C2CD5: variants seen among roughly 807,000 people sequenced by gnomAD.
C2CD5 encodes C2 calcium dependent domain containing 5.
In C2CD5, 109 loss-of-function variants were observed where a neutral mutation model predicts 130.3. The ratio of observed to expected loss-of-function variants is 0.84; its 90% CI spans 0.72 to 0.98. The LOEUF is 0.98. Ranked by LOEUF, C2CD5 falls within the 50% of genes least tolerant of loss-of-function variation. C2CD5 has a pLI of 0.00. For missense variants in C2CD5, 996 were observed against 1,261.8 expected (o/e 0.79, Z 3.19); for synonymous variants, 454 against 429.2 (o/e 1.06, Z -0.71).
intron 8 of C2CD5, 59 bp downstream of exon 8, chr12:22,517,927 A>C: frequency 7.1e-7 from 1 of 1,409,188 alleles, no homozygotes; most frequent in South Asian, 1.3e-5. Flanking sequence ...GAAAGCTAAT[A>C]AGAAATAGAA....
At position 22,472,576 on chromosome 12, in the gene C2CD5, A is replaced by G. The variant is rs549036415; in HGVS notation, c.2107+168T>C. ...AAATCACTTCCACCTAAGTTCTAAC[A>G]TAAGTATTTTTAAGGTATGTTTTCT... On this transcript the variant is annotated intron_variant, in intron 17 of 26. Transcript: ENST00000446597. 499 of 652,676 alleles carry G rather than the reference A, an allele frequency of 7.6e-4. 7 individuals are homozygous for G. The highest frequency in any genetic ancestry group is 7.3e-3 in the South Asian group (398 of 54,270). The allele number at this position is 652,676 out of a possible 1,614,324, so 40.4% of individuals were successfully genotyped here.
At chr12:22,460,084 CTT>C (rs1940801856) in intron 22 of C2CD5, among the ~76,000 whole-genome samples, 1 of 152,168 alleles carries the variant, frequency 6.6e-6, no homozygotes, top group Non-Finnish European at 1.5e-5. Flanking sequence ...GGTATCAAGA[CTT>C]TGTGAAACTA....
At chr12:22,468,202 G>A (rs890157339) in intron 22 of C2CD5, among the ~76,000 whole-genome samples, 1 of 151,766 alleles carries the variant, frequency 6.6e-6, no homozygotes, top group Middle Eastern at 3.2e-3. Flanking sequence ...AAAACTTGCT[G>A]TATAGTGAAT....
intron 10 of C2CD5, among the ~76,000 whole-genome samples, chr12:22,498,391 A>G (rs971609468): frequency 1.3e-5 from 2 of 151,864 alleles, no homozygotes; most frequent in African/African-American, 4.8e-5. Flanking sequence ...AACTTAAACT[A>G]AAAAAAACAA....
rs139815146 is a variant in C2CD5, at chr12:22,515,402, CTT to C, written c.953-2025_953-2024del. Among the ~76,000 whole-genome samples, 534 of 152,222 alleles carry C rather than the reference CTT, an allele frequency of 3.5e-3. 4 individuals carry two copies. The highest frequency in any genetic ancestry group is 0.016 in the Admixed American group (241 of 15,282). ...TCATTAAAATTTTTTAAATCACTAACTTAGGATTTTATGTGATTCTAATAACT... is the reference window on the plus strand; with the variant it reads ...TCATTAAAATTTTTTAAATCACTAACAGGATTTTATGTGATTCTAATAACT... On this transcript the variant is annotated intron_variant, in intron 8 of 26. Coordinates refer to ENST00000446597, the MANE Select transcript of C2CD5 (RefSeq NM_001286176.2).
chr12:22,457,233 A>C (rs548336288), intron 24 of C2CD5, 72 bp from the exon 25 acceptor site: 3 of 1,066,182 alleles, frequency 2.8e-6, no homozygotes, highest in Non-Finnish European at 4.0e-6. Flanking sequence ...GAGGTTTCCA[A>C]ATAAGTGGTG....
intron 8 of C2CD5, among the ~76,000 whole-genome samples, chr12:22,516,109 T>C (rs569393517): frequency 2.3e-4 from 35 of 151,766 alleles, no homozygotes; most frequent in Admixed American, 9.2e-4. Context: ...ACTTTTGGAT[T>C]CCCAAATAAA....
chr12:22,503,758 C>T (rs1314339823), intron 10 of C2CD5, among the ~76,000 whole-genome samples: 2 of 152,156 alleles, frequency 1.3e-5, no homozygotes, highest in Admixed American at 1.3e-4. Flanking sequence ...GCGATCTGCC[C>T]GCCTTGGCCT....
At chr12:22,463,366 T>C (rs2136079293) in intron 22 of C2CD5, 1 of 151,494 alleles carries the variant, frequency 6.6e-6, no homozygotes, top group African/African-American at 2.4e-5. Flanking sequence ...ATTCCAGCCT[T>C]GGCAACAGAG....
chr12:22,482,613 A>T lies in C2CD5; in HGVS notation c.1681T>A (p.Leu561Met), dbSNP rs1446633779. Residue 561 changes from leucine to methionine, a missense_variant, in exon 14 of 27, where the codon TTG (leucine) becomes ATG (methionine). By Grantham distance (15) the Leu-to-Met change is conservative. Coordinates refer to ENST00000446597, the MANE Select transcript of C2CD5 (RefSeq NM_001286176.2). ...GTGATCTGAATTCTTAGTCCAAACAAAGCATTCATTCCTTTGAGTTTTAGT... is the reference window on the plus strand; with the variant it reads ...GTGATCTGAATTCTTAGTCCAAACATAGCATTCATTCCTTTGAGTTTTAGT... ...NKLKLKGMNA[L>M]FGLRIQITVG... 6.2e-7 allele frequency: 1 copy of T among 1,613,744 alleles called. No homozygotes were observed. The highest frequency in any genetic ancestry group is 8.5e-7 in the Non-Finnish European group (1 of 1,179,738).
intron 11 of C2CD5, among the ~76,000 whole-genome samples, chr12:22,491,953 G>T (rs944514431): frequency 1.3e-5 from 2 of 151,882 alleles, no homozygotes; most frequent in African/African-American, 4.8e-5. Context: ...CATCAATGTG[G>T]CAAGACAACT....
intron 14 of C2CD5, among the ~76,000 whole-genome samples, chr12:22,479,305 C>T (rs1341847729): frequency 6.6e-6 from 1 of 152,002 alleles, no homozygotes; most frequent in Admixed American, 6.6e-5. Context: ...AACTCCTGAC[C>T]TCAATTGATC....
chr12:22,535,524 C>A (rs1321737382), intron 2 of C2CD5, among the ~76,000 whole-genome samples, 180 bp from the exon 3 acceptor site: 1 of 152,072 alleles, frequency 6.6e-6, no homozygotes, highest in African/African-American at 2.4e-5. Context: ...AATAATAATA[C>A]CCACAACAAG....
At chr12:22,454,568 CAT>C (rs1491416190) in intron 25 of C2CD5, among the ~76,000 whole-genome samples, 2 of 89,258 alleles carry the variant, frequency 2.2e-5, no homozygotes, top group Non-Finnish European at 4.7e-5. Flanking sequence ...GCAGACTTTT[CAT>C]TTTTTTTTTT....
At chr12:22,509,231 C>A (rs1948926682) in intron 9 of C2CD5, among the ~76,000 whole-genome samples, 1 of 152,082 alleles carries the variant, frequency 6.6e-6, no homozygotes, top group Non-Finnish European at 1.5e-5. Flanking sequence ...TTTTTGTAAG[C>A]TAAATGGAAG....
chr12:22,511,116 C>T (rs1949140396), intron 9 of C2CD5, among the ~76,000 whole-genome samples: 1 of 148,682 alleles, frequency 6.7e-6, no homozygotes, highest in Admixed American at 6.7e-5. Context: ...ATTTTGACAA[C>T]TACTACTTGA....
intron 7 of C2CD5, among the ~76,000 whole-genome samples, chr12:22,522,533 G>C (rs981873505): frequency 1.3e-5 from 2 of 152,084 alleles, no homozygotes; most frequent in Non-Finnish European, 2.9e-5. Context: ...TTAGAATAGG[G>C]ATCAGCAAAC....
intron 22 of C2CD5, among the ~76,000 whole-genome samples, chr12:22,466,564 T>C (rs1451754260): frequency 2.6e-5 from 4 of 152,156 alleles, no homozygotes; most frequent in Non-Finnish European, 4.4e-5. Context: ...TAAGACTCTA[T>C]TATATTTTTC....
At chr12:22,522,182 C>G (rs530008220) in intron 7 of C2CD5, among the ~76,000 whole-genome samples, 109 of 152,330 alleles carry the variant, frequency 7.2e-4, no homozygotes, top group Non-Finnish European at 1.3e-3. Flanking sequence ...TGGTCATTCA[C>G]AGAAAAAGTT....
Sources: allele counts gnomAD v4.1 joint callset (sites outside exome capture counted in the v4.1 genomes callset), GRCh38; gene constraint gnomAD v4.1.1; transcripts MANE v1.5; gene names NCBI Gene and HGNC (gene_info 2026-07-23, HGNC 2026-07-21).